PCSK6: variants seen among roughly 807,000 people sequenced by gnomAD.
PCSK6 encodes paired basic amino acid cleaving enzyme 4.
A neutral mutation model predicts 123.3 loss-of-function variants in PCSK6; 85 were observed. The ratio of observed to expected loss-of-function variants is 0.69; its 90% CI spans 0.58 to 0.83. The LOEUF is 0.83. Among genes scored for constraint, PCSK6 ranks in the 40% least tolerant of loss-of-function variants. The probability of loss-of-function intolerance (pLI) is 0.00; values close to 1 mark genes in which losing one functional copy is unlikely to be tolerated. For synonymous variants in PCSK6, 508 were observed against 516.0 expected (o/e 0.98, Z 0.21); for missense variants, 1,191 against 1,282.3 (o/e 0.93, Z 1.09).
rs528425621 is a variant in PCSK6, at chr15:101,331,983, G to A, written c.1907C>T (p.Pro636Leu). ...CTGATGGGCACTGAAGGTGTGGTAC[G>A]GGTGCTCTGCTGTGCCATACAGTAT... ...SLILYGTAEHPYHTFSAHQSR... is the reference protein window; with the variant it reads ...SLILYGTAEHLYHTFSAHQSR... The change falls in exon 14 of 22, where the codon CCG becomes CTG. Residue 636 changes from proline (P) to leucine (L), a missense_variant. Physicochemically the swap from Pro to Leu is moderately conservative, Grantham distance 98. Transcript: ENST00000611716. The A allele has an allele frequency of 8.2e-5, 133 of 1,613,540 alleles. No individual in the cohort carries two copies. Among genetic ancestry groups the A allele is most frequent in the Non-Finnish European group, 1.1e-4 (130 of 1,179,688 alleles).
chr15:101,434,120 C>T (rs922310426), intron 2 of PCSK6, among the ~76,000 whole-genome samples: 4 of 152,180 alleles, frequency 2.6e-5, no homozygotes, highest in Non-Finnish European at 5.9e-5. Context: ...TTGCAATGTC[C>T]CCATATATTA....
chr15:101,389,496 C>T lies in PCSK6; in HGVS notation c.1278G>A (p.Val426=). ...CTAGAGCCAAGGCGATGATGCCCGC[C>T]ACCATGGGGGCAGAGACTGAGGTCC... ...HTGTSVSAPM[V]AGIIALALEA... The change falls in exon 9 of 22, where the codon GTG becomes GTA. Residue 426 remains valine (V), a synonymous_variant. Coordinates refer to ENST00000611716, the MANE Select transcript of PCSK6 (RefSeq NM_002570.5). 6.2e-7 allele frequency: 1 copy of T among 1,613,558 alleles called. No homozygotes were observed. Among genetic ancestry groups the T allele is most frequent in the Non-Finnish European group, 8.5e-7 (1 of 1,179,690 alleles).
At chr15:101,332,763 T>C (rs1039125906) in intron 13 of PCSK6, among the ~76,000 whole-genome samples, 30 of 152,176 alleles carry the variant, frequency 2.0e-4, no homozygotes, top group African/African-American at 5.6e-4. Context: ...CCAGCCAACA[T>C]GGGGGCAGCT....
At chr15:101,370,619 T>G in intron 11 of PCSK6, 96 bp from the exon 12 acceptor site, 1 of 1,190,024 alleles carries the variant, frequency 8.4e-7, no homozygotes, top group Non-Finnish European at 1.1e-6. Flanking sequence ...CTATCCCCAC[T>G]GCAGCCTCAG....
chr15:101,489,539 G>C lies in PCSK6; in HGVS notation c.132C>G (p.Leu44=), dbSNP rs1567268462. ...GGAGGPGFRP[L]APRPWRWLLL... Reference sequence around the variant, plus strand: ...GCAGCCAGCGCCAGGGACGCGGCGCGAGCGGCCGGAACCCGGGCCCGCCGG... The same window carrying C: ...GCAGCCAGCGCCAGGGACGCGGCGCCAGCGGCCGGAACCCGGGCCCGCCGG... The change falls in exon 1 of 22, where the codon CTC becomes CTG. Residue 44 remains leucine (L), a synonymous_variant. Transcript: ENST00000611716. 1 of 1,001,310 alleles carries C rather than the reference G, an allele frequency of 1.0e-6. No individual in the cohort carries two copies. The highest frequency in any genetic ancestry group is 1.2e-6 in the Non-Finnish European group (1 of 843,590). The allele number at this position is 1,001,310 out of a possible 1,614,324, so 62.0% of individuals were successfully genotyped here.
intron 13 of PCSK6, chr15:101,347,407 C>G: frequency 8.1e-7 from 1 of 1,236,214 alleles, no homozygotes; most frequent in Non-Finnish European, 1.0e-6. Context: ...ATTCATGGAA[C>G]TTTTTAGGAT....
At chr15:101,340,200 C>T (rs967723811) in intron 13 of PCSK6, among the ~76,000 whole-genome samples, 4 of 152,186 alleles carry the variant, frequency 2.6e-5, no homozygotes, top group Non-Finnish European at 5.9e-5. Context: ...CCATAACATG[C>T]ACACCCACAC....
chr15:101,386,239 G>A (rs2042060005), intron 9 of PCSK6, among the ~76,000 whole-genome samples: 2 of 152,080 alleles, frequency 1.3e-5, no homozygotes, highest in Admixed American at 1.3e-4. Context: ...AGCTGAGGGG[G>A]CCTGGAGACG....
chr15:101,480,666 G>A (rs917202995), intron 1 of PCSK6, among the ~76,000 whole-genome samples: 1 of 152,228 alleles, frequency 6.6e-6, no homozygotes, highest in Non-Finnish European at 1.5e-5. Flanking sequence ...GGGACCCGCA[G>A]GGTGTGAAGC....
Position 101,409,392 on chromosome 15 carries a change from T to C in PCSK6, c.824-10816A>G, listed in dbSNP as rs564791691. ...CGAGGTCAGGAGATCGAGACCATCC[T>C]GGCTAACACAGTGAAACCCCGTCTC... On this transcript the variant is annotated intron_variant, in intron 6 of 21. Coordinates refer to ENST00000611716, the MANE Select transcript of PCSK6 (RefSeq NM_002570.5). Among the ~76,000 whole-genome samples, 1,015 of 151,994 alleles carry C rather than the reference T, an allele frequency of 6.7e-3. 7 individuals are homozygous for C. The highest frequency in any genetic ancestry group is 0.01 in the Non-Finnish European group (695 of 67,908).
At chr15:101,437,025 C>G (rs1296403665) in intron 2 of PCSK6, among the ~76,000 whole-genome samples, 7 of 152,170 alleles carry the variant, frequency 4.6e-5, no homozygotes, top group Admixed American at 3.9e-4. Context: ...GTCCCAGAAA[C>G]CCCAGAACTG....
At chr15:101,351,530 A>G (rs886163536) in intron 13 of PCSK6, among the ~76,000 whole-genome samples, 1 of 152,244 alleles carries the variant, frequency 6.6e-6, no homozygotes, top group African/African-American at 2.4e-5. Flanking sequence ...TGGAACCAGA[A>G]TTCGGCAAAA....
chr15:101,485,005 C>T (rs565172026), intron 1 of PCSK6, among the ~76,000 whole-genome samples: 11 of 152,320 alleles, frequency 7.2e-5, no homozygotes, highest in African/African-American at 2.4e-4. Context: ...CCAGCCTCAC[C>T]GTGTATCGCC....
intron 18 of PCSK6, among the ~76,000 whole-genome samples, chr15:101,318,863 C>T (rs980775673): frequency 6.6e-6 from 1 of 152,242 alleles, no homozygotes; most frequent in Non-Finnish European, 1.5e-5. Context: ...CCCCAACCCG[C>T]TCTTGCCTCT....
intron 18 of PCSK6, among the ~76,000 whole-genome samples, chr15:101,320,856 G>T (rs2040103610): frequency 1.3e-5 from 2 of 152,238 alleles, no homozygotes; most frequent in East Asian, 3.8e-4. Flanking sequence ...TCTGGAGTTT[G>T]CACGCCTCTC....
At chr15:101,480,360 G>A (rs2057844289) in intron 1 of PCSK6, among the ~76,000 whole-genome samples, 3 of 152,256 alleles carry the variant, frequency 2.0e-5, no homozygotes, top group South Asian at 4.1e-4. Flanking sequence ...TGGCTGCGGG[G>A]CCCTGTGGAG....
At position 101,325,473 on chromosome 15, in the gene PCSK6, A is replaced by G. The variant is rs114986714; in HGVS notation, c.2181-427T>C. Among the ~76,000 whole-genome samples the G allele has an allele frequency of 4.5e-3, 692 of 152,274 alleles. 4 individuals are homozygous for G. Among genetic ancestry groups the G allele is most frequent in the African/African-American group, 0.016 (649 of 41,556 alleles). Reference sequence around the variant, plus strand: ...TGGCTGGGAGCTCGAGGACGCCACGAGAGCCACATGGGCACCCGGCTTGAC... The same window carrying G: ...TGGCTGGGAGCTCGAGGACGCCACGGGAGCCACATGGGCACCCGGCTTGAC... On this transcript the variant is annotated intron_variant, in intron 16 of 21. Transcript: ENST00000611716.
intron 6 of PCSK6, among the ~76,000 whole-genome samples, chr15:101,423,421 T>A (rs1444154555): frequency 6.6e-6 from 1 of 152,014 alleles, no homozygotes; most frequent in Non-Finnish European, 1.5e-5. Context: ...CCACCACACC[T>A]GGCTGATTTT....
chr15:101,465,932 C>T (rs936833239), intron 1 of PCSK6, among the ~76,000 whole-genome samples: 2 of 151,868 alleles, frequency 1.3e-5, no homozygotes, highest in East Asian at 1.9e-4. Flanking sequence ...GGCAGGGGTG[C>T]GGAGAACAAA....
Sources: gnomAD v4.1 joint callset for allele counts (sites outside exome capture counted in the v4.1 genomes callset) on GRCh38, gnomAD v4.1.1 for gene constraint, MANE v1.5 for transcripts, NCBI Gene and HGNC (gene_info 2026-07-23, HGNC 2026-07-21) for gene names.